ARG2: variants seen among roughly 807,000 people sequenced by gnomAD.
The protein encoded by ARG2 is arginase 2, also known as arginase-2, mitochondrial.
A neutral mutation model predicts 39.4 loss-of-function variants in ARG2; 21 were observed. The ratio of observed to expected loss-of-function variants is 0.53; its 90% confidence interval spans 0.38 to 0.77. The LOEUF is 0.77. ARG2 is among the 30% of genes least tolerant of loss of function. The pLI, the probability that ARG2 is intolerant of heterozygous loss-of-function variation, is 0.00. For missense variants in ARG2, 378 were observed against 426.2 expected (o/e 0.89, Z 1.00); for synonymous variants, 150 against 156.7 (o/e 0.96, Z 0.32).
In ARG2 at chr14:67,619,977, C is replaced by G. The variant is rs1386448381; in HGVS notation, c.-1C>G. ...CTTGGAGATTCTCAGTGCTGCGGAT[C>G]ATGTCCCTAAGGGGCAGCCTCTCGC... On this transcript the variant is annotated 5_prime_UTR_variant, in exon 1 of 8. The change creates a new upstream start codon in the 5' untranslated region. Transcript: ENST00000261783. The G allele has an allele frequency of 6.3e-7, 1 of 1,589,486 alleles. No homozygotes were observed. The highest frequency in any genetic ancestry group is 1.4e-5 in the African/African-American group (1 of 73,272).
intron 2 of ARG2, among the ~76,000 whole-genome samples, chr14:67,638,844 G>A (rs766062347): frequency 4.6e-5 from 7 of 152,300 alleles, no homozygotes; most frequent in South Asian, 2.1e-4. Flanking sequence ...CAAAATGCCC[G>A]TGCATAATTA....
At chr14:67,620,261 TC>T (rs2036794680) in intron 1 of ARG2, among the ~76,000 whole-genome samples, 173 bp downstream of exon 1, 1 of 139,016 alleles carries the variant, frequency 7.2e-6, no homozygotes, top group Non-Finnish European at 1.6e-5. Context: ...TGGGATATCC[TC>T]CGACAGAGAA....
At chr14:67,644,310 GTAT>G (rs1426328562) in intron 3 of ARG2, among the ~76,000 whole-genome samples, 2 of 152,114 alleles carry the variant, frequency 1.3e-5, no homozygotes, top group African/African-American at 4.8e-5. Context: ...CACAGGCCAA[GTAT>G]TATTATTATC....
intron 2 of ARG2, among the ~76,000 whole-genome samples, chr14:67,624,470 G>A (rs2036842577): frequency 6.6e-6 from 1 of 152,164 alleles, no homozygotes; most frequent in African/African-American, 2.4e-5. Flanking sequence ...TTCTGGGGAG[G>A]CCCCAGGAGA....
At position 67,651,262 on chromosome 14, in the gene ARG2, G is replaced by T; in HGVS notation, c.*342G>T. On this transcript the variant is annotated 3_prime_UTR_variant, in exon 8 of 8. Coordinates refer to ENST00000261783, the MANE Select transcript of ARG2 (RefSeq NM_001172.4). ...TCTTTCCTCCCTCCTCCCACAGCCT[G>T]GCTATACAGTGCATCCTTGAACTGT... The T allele has an allele frequency of 6.4e-7, 1 of 1,568,708 alleles. No homozygotes were observed. The highest frequency in any genetic ancestry group is 8.6e-7 in the Non-Finnish European group (1 of 1,158,204).
At chr14:67,644,320 T>C (rs1358557272) in intron 3 of ARG2, among the ~76,000 whole-genome samples, 1 of 152,224 alleles carries the variant, frequency 6.6e-6, no homozygotes. Context: ...GTATTATTAT[T>C]ATCCCTATCT....
At chr14:67,633,903 T>C (rs761809355) in intron 2 of ARG2, among the ~76,000 whole-genome samples, 34 of 152,230 alleles carry the variant, frequency 2.2e-4, no homozygotes, top group Non-Finnish European at 3.7e-4. Context: ...GAAGTTCTCC[T>C]GACCCTTCTC....
intron 2 of ARG2, among the ~76,000 whole-genome samples, chr14:67,641,768 C>T (rs1235670228): frequency 6.6e-6 from 1 of 152,024 alleles, no homozygotes; most frequent in African/African-American, 2.4e-5. Flanking sequence ...AGCAAGACCC[C>T]ATTTCTACAA....
At chr14:67,645,152 T>C (rs1178100387) in intron 3 of ARG2, among the ~76,000 whole-genome samples, 1 of 152,142 alleles carries the variant, frequency 6.6e-6, no homozygotes, top group Non-Finnish European at 1.5e-5. Context: ...TCGTTACCTA[T>C]AGACTGTACC....
At chr14:67,627,455 C>A (rs993953459) in intron 2 of ARG2, among the ~76,000 whole-genome samples, 2 of 152,004 alleles carry the variant, frequency 1.3e-5, no homozygotes. Context: ...TCTTTTCAAG[C>A]TCTAGTTTTG....
chr14:67,647,120 A>G lies in ARG2; in HGVS notation c.722+95A>G. On this transcript the variant is annotated intron_variant, in intron 6 of 7. Transcript: ENST00000261783. ...ACAGCAGCTTTACTTTTAAAATACA[A>G]AGCAAAAACATACACATAATTTTAA... The G allele has an allele frequency of 1.2e-5, 10 of 807,036 alleles. No individual in the cohort carries two copies. The South Asian group carries it at 1.5e-4, about 12-fold the overall frequency. 50.0% of individuals were successfully genotyped at this position (807,036 alleles called of 1,614,324 possible). A position where few individuals can be genotyped will look rare whatever the true frequency, so the allele number is the denominator to read the frequency against.
At chr14:67,627,768 C>T (rs1566796319) in intron 2 of ARG2, among the ~76,000 whole-genome samples, 2 of 152,142 alleles carry the variant, frequency 1.3e-5, no homozygotes, top group Admixed American at 1.3e-4. Flanking sequence ...GACCCCATCT[C>T]TACATTTTTT....
At chr14:67,624,580 G>A (rs142396026) in intron 2 of ARG2, among the ~76,000 whole-genome samples, 228 of 152,184 alleles carry the variant, frequency 1.5e-3, no homozygotes, top group African/African-American at 5.3e-3. Context: ...ACTTTTAACC[G>A]GATCTCATGA....
intron 2 of ARG2, among the ~76,000 whole-genome samples, chr14:67,626,874 A>G (rs1030855978): frequency 1.3e-5 from 2 of 152,214 alleles, no homozygotes; most frequent in Non-Finnish European, 2.9e-5. Context: ...CATATAATGG[A>G]GTATTATTCA....
At chr14:67,645,172 G>C (rs571513367) in intron 3 of ARG2, among the ~76,000 whole-genome samples, 1 of 151,616 alleles carries the variant, frequency 6.6e-6, no homozygotes, top group African/African-American at 2.4e-5. Flanking sequence ...CATTTACCTA[G>C]ATTTCTTTTT....
chr14:67,637,057 G>T (rs2036978936), intron 2 of ARG2, among the ~76,000 whole-genome samples: 1 of 152,128 alleles, frequency 6.6e-6, no homozygotes, highest in African/African-American at 2.4e-5. Context: ...TGAAAAATTA[G>T]TGAGACCGTT....
chr14:67,637,517 G>A (rs1009890745), intron 2 of ARG2, among the ~76,000 whole-genome samples: 10 of 150,062 alleles, frequency 6.7e-5, no homozygotes, highest in African/African-American at 2.5e-4. Flanking sequence ...AAAAAAAACT[G>A]TAGCAGATGG....
intron 3 of ARG2, among the ~76,000 whole-genome samples, chr14:67,643,096 C>A (rs2140770153): frequency 6.6e-6 from 1 of 152,302 alleles, no homozygotes; most frequent in Middle Eastern, 3.4e-3. Flanking sequence ...AGCCACTGTG[C>A]CCAGCTGTGG....
intron 7 of ARG2, chr14:67,648,915 T>C (rs1052701171): frequency 1.3e-5 from 2 of 152,178 alleles, no homozygotes; most frequent in African/African-American, 4.8e-5. Flanking sequence ...AGACCCCAGA[T>C]TGAAAGGTTC....
Sources: allele counts gnomAD v4.1 joint callset (sites outside exome capture counted in the v4.1 genomes callset), GRCh38; gene constraint gnomAD v4.1.1; transcripts MANE v1.5; gene names NCBI Gene and HGNC (gene_info 2026-07-23, HGNC 2026-07-21).